The following PGGHG variants were observed in gnomAD, a reference collection of about 807,000 sequenced individuals.
The protein encoded by PGGHG is ATH1, acid trehalase-like 1.
Under a neutral mutation model 74.5 loss-of-function variants are expected in PGGHG, and 67 were observed. The ratio of observed to expected loss-of-function variants is 0.90; its 90% CI spans 0.74 to 1.10. PGGHG has a LOEUF of 1.10. PGGHG is among the 50% of genes least tolerant of loss of function. The probability of loss-of-function intolerance (pLI) is 0.00; values close to 1 mark genes in which losing one functional copy is unlikely to be tolerated. For synonymous variants in PGGHG, 496 were observed against 419.9 expected (o/e 1.18, Z -2.21); for missense variants, 1,034 against 981.5 (o/e 1.05, Z -0.72).
chr11:293,795 C>T (rs1845798087), intron 10 of PGGHG, 35 bp from the exon 11 acceptor site: 7 of 1,613,412 alleles, frequency 4.3e-6, no homozygotes, highest in African/African-American at 1.3e-5. Flanking sequence ...CGCAGTGGGC[C>T]TCACCCCTGT....
At chr11:291,940 C>A (rs374284345) in intron 4 of PGGHG, 36 bp from the exon 5 acceptor site, 8 of 1,567,268 alleles carry the variant, frequency 5.1e-6, no homozygotes, top group Non-Finnish European at 6.9e-6. Flanking sequence ...GCAGTGACGG[C>A]CTGTCCGGCG....
rs749884841 is a variant in PGGHG at position 294,289 on chromosome 11, T to A, written c.1831T>A (p.Phe611Ile). 6.2e-7 allele frequency: 1 copy of A among 1,610,710 alleles called. No individual in the cohort carries two copies. The highest frequency in any genetic ancestry group is 8.5e-7 in the Non-Finnish European group (1 of 1,178,572). Residue 611 changes from phenylalanine (F) to isoleucine (I), a missense_variant, in exon 13 of 14, where the codon TTT becomes ATT. Transcript: ENST00000409548. ...GFRVTRAGVT[F>I]DPVCLSGISR... ...CAGGGTCACCCGAGCGGGTGTGACC[T>A]TTGACCCTGTGTGTCTGTCGGGGAT... is the stretch of plus-strand genomic sequence containing the variant.
At chr11:290,310 G>A (rs1371509963) in intron 2 of PGGHG, 80 bp from the exon 3 acceptor site, 1 of 1,436,678 alleles carries the variant, frequency 7.0e-7, no homozygotes, top group East Asian at 2.5e-5. Flanking sequence ...TGTGGGGAGA[G>A]GCAGCGGTCG....
rs1475624295 is a variant in PGGHG, at chr11:294,358, C to T, written c.1900C>T (p.Leu634Phe). ...VSGIFYQGNK[L>F]NFSFSEDSVT... ...CGGCATCTTCTACCAGGGGAACAAG[C>T]TCAACTTCTCTTTTTCCGAGGACTC... The change falls in exon 13 of 14, where the codon CTC becomes TTC. Residue 634 changes from leucine (L) to phenylalanine (F), a missense_variant. Leu to Phe is a conservative substitution (Grantham distance 22). Coordinates refer to ENST00000409548, the MANE Select transcript of PGGHG (RefSeq NM_025092.5). The T allele has an allele frequency of 6.2e-7, 1 of 1,613,118 alleles. No individual in the cohort carries two copies. Among genetic ancestry groups the T allele is most frequent in the South Asian group, 1.1e-5 (1 of 91,068 alleles).
chr11:290,780 A>G lies in PGGHG; in HGVS notation c.573A>G (p.Glu191=). ...TPAPPDLTLG[E]GEEARTWDFL... is the part of the protein sequence containing the mutation. ...CACCCCCAGACCTGACCCTTGGGGA[A>G]GGTGAGGAGGCTAGGACGTGGGACT... The change falls in exon 4 of 14, where the codon GAA becomes GAG. Residue 191 remains glutamate (E), a synonymous_variant. Coordinates refer to ENST00000409548, the MANE Select transcript of PGGHG (RefSeq NM_025092.5). 6.2e-7 allele frequency: 1 copy of G among 1,612,638 alleles called. No individual in the cohort carries two copies. The highest frequency in any genetic ancestry group is 1.7e-5 in the Admixed American group (1 of 59,946).
Position 296,056 on chromosome 11 carries a change from C to T in PGGHG, c.*1307C>T, listed in dbSNP as rs1049079039. 5.3e-5 allele frequency: 8 copies of T among 152,336 alleles called. No homozygotes were observed. Among genetic ancestry groups the T allele is most frequent in the South Asian group, 4.1e-4 (2 of 4,834 alleles). 9.4% of individuals were successfully genotyped at this position (152,336 alleles called of 1,614,324 possible). ...GCATGTGCTGCAGCACACCTGCGGC[C>T]GAGACCAGCACTCAGAGGTCGGCTC... is the stretch of plus-strand genomic sequence containing the variant. On this transcript the variant is annotated 3_prime_UTR_variant, in exon 14 of 14. Coordinates refer to ENST00000409548, the MANE Select transcript of PGGHG (RefSeq NM_025092.5).
chr11:291,946 C>A, intron 4 of PGGHG, 30 bp from the exon 5 acceptor site: 2 of 1,580,656 alleles, frequency 1.3e-6, no homozygotes, highest in Admixed American at 1.8e-5. Context: ...ACGGCCTGTC[C>A]GGCGCTAGAA....
chr11:294,068 G>C (rs778489159), intron 11 of PGGHG, 31 bp from the exon 12 acceptor site: 8 of 1,587,124 alleles, frequency 5.0e-6, no homozygotes, highest in Non-Finnish European at 6.9e-6. Context: ...TGACCTGGGG[G>C]TCCTGGTGTC....
Position 293,089 on chromosome 11 carries a change from C to T in PGGHG, c.1271-74C>T, listed in dbSNP as rs750965016. The T allele has an allele frequency of 1.9e-6, 3 of 1,613,700 alleles. No homozygotes were observed. In the South Asian group the frequency reaches 3.3e-5, roughly 18 times the overall value. On this transcript the variant is annotated intron_variant, in intron 7 of 13. Transcript: ENST00000409548. ...TCAGACACCTCACGTGTGCCAGCCC[C>T]ACGCTGACCACCGGCGTGGAGGGAA... is the stretch of plus-strand genomic sequence containing the variant.
At chr11:291,389 G>A (rs1845715953) in intron 4 of PGGHG, 1 of 453,066 alleles carries the variant, frequency 2.2e-6, no homozygotes, top group Non-Finnish European at 3.9e-6. Flanking sequence ...CAGATCACCA[G>A]CGTTTGTAGA....
In PGGHG at chr11:290,082, C is replaced by A. The variant is rs977208813; in HGVS notation, c.259+7C>A. The A allele has an allele frequency of 6.6e-7, 1 of 1,519,330 alleles. No individual in the cohort carries two copies. The highest frequency in any genetic ancestry group is 2.0e-5 in the Admixed American group (1 of 50,016). The allele number at this position is 1,519,330 out of a possible 1,614,324, so 94.1% of individuals were successfully genotyped here. On this transcript the variant is annotated splice_region_variant and intron_variant, in intron 2 of 13. Transcript: ENST00000409548. ...GCCCTGGACACCAACACAGGTAGCG[C>A]CACCTGGCCTGCCTCACCCCTGCCC...
Position 292,411 on chromosome 11 carries a change from C to T in PGGHG, c.1027-135C>T, listed in dbSNP as rs1461576801. On this transcript the variant is annotated intron_variant, in intron 5 of 13. Transcript: ENST00000409548. ...TGGCCCCGTGAGGACGTGCAGTGGG[C>T]CTTCTAGCAGTAGCACCCGCCAGGG... is the stretch of plus-strand genomic sequence containing the variant. The T allele has an allele frequency of 1.1e-5, 13 of 1,174,046 alleles. No individual in the cohort carries two copies. In the South Asian group the frequency reaches 1.5e-4, roughly 13 times the overall value. The allele number at this position is 1,174,046 out of a possible 1,614,324, so 72.7% of individuals were successfully genotyped here.
In PGGHG at chr11:293,617, G is replaced by GTCGTGC; in HGVS notation, c.1507_1512dup (p.Val503_Leu504dup). 1 of 1,613,606 alleles carries GTCGTGC rather than the reference G, an allele frequency of 6.2e-7. No individual in the cohort carries two copies. The highest frequency in any genetic ancestry group is 8.5e-7 in the Non-Finnish European group (1 of 1,180,000). Reference sequence around the variant, plus strand: ...AGGAGAGGTGGTGAAGCAGGCAGACGTCGTGCTCCTGGGATACCCAGTCCC... The same window carrying GTCGTGC: ...AGGAGAGGTGGTGAAGCAGGCAGACGTCGTGCTCGTGCTCCTGGGATACCCAGTCCC... On this transcript the variant is annotated inframe_insertion, in exon 10 of 14. Coordinates refer to ENST00000409548, the MANE Select transcript of PGGHG (RefSeq NM_025092.5).
rs1845676236 is a variant in PGGHG at position 290,224 on chromosome 11, C to T, written c.259+149C>T. On this transcript the variant is annotated intron_variant, in intron 2 of 13. Transcript: ENST00000409548. The stretch of plus-strand genomic sequence containing the variant: ...GCCCCAGAGGCCCGCAGGGTCCCCC[C>T]TTCCCTCCACCTGGAGGCCTCCTGT... 1.4e-4 allele frequency: 188 copies of T among 1,372,062 alleles called. 2 individuals are homozygous for T. The South Asian group carries it at 2.6e-3, about 19-fold the overall frequency. 85.0% of individuals were successfully genotyped at this position (1,372,062 alleles called of 1,614,324 possible).
Position 293,583 on chromosome 11 carries a change from C to T in PGGHG, c.1481-11C>T, listed in dbSNP as rs1695615619. The T allele has an allele frequency of 6.2e-7, 1 of 1,613,428 alleles. No homozygotes were observed. Among genetic ancestry groups the T allele is most frequent in the Non-Finnish European group, 8.5e-7 (1 of 1,179,958 alleles). ...CTGGAACACCTTCCAGTCAGCGGCA[C>T]CTCCCTGTAGGAGAGGTGGTGAAGC... On this transcript the variant is annotated splice_polypyrimidine_tract_variant and intron_variant, in intron 9 of 13. Transcript: ENST00000409548.
chr11:295,876 C>T lies in PGGHG; in HGVS notation c.*1127C>T, dbSNP rs2242566. The T allele has an allele frequency of 0.36, 54,615 of 152,194 alleles. 9,957 individuals carry two copies. Among genetic ancestry groups the T allele is most frequent in the South Asian group, 0.48 (2,309 of 4,826 alleles). 9.4% of individuals were successfully genotyped at this position (152,194 alleles called of 1,614,324 possible). On this transcript the variant is annotated 3_prime_UTR_variant, in exon 14 of 14. Coordinates refer to ENST00000409548, the MANE Select transcript of PGGHG (RefSeq NM_025092.5). ...CCTCGGAGGACAGCAGAGGTTTGGA[C>T]GGAGACTCAGGGAGGGAGGGAAGGA...
In PGGHG at chr11:291,056, G is replaced by A. The variant is rs1845705281; in HGVS notation, c.849G>A (p.Gly283=). 1.9e-6 allele frequency: 3 copies of A among 1,609,944 alleles called. No individual in the cohort carries two copies. Among genetic ancestry groups the A allele is most frequent in the Middle Eastern group, 1.7e-4 (1 of 6,048 alleles). ...PGYICHGLSP[G]GLSNGSREEC... ...ACATCTGCCATGGCCTCAGTCCTGGGGGCCTCTCCAATGGGAGCCGTGAGG... is the reference window on the plus strand; with the variant it reads ...ACATCTGCCATGGCCTCAGTCCTGGAGGCCTCTCCAATGGGAGCCGTGAGG... The change falls in exon 4 of 14, where the codon GGG becomes GGA. Residue 283 remains glycine (G), a synonymous_variant. Transcript: ENST00000409548.
rs770634918 is a variant in PGGHG, at chr11:290,500, GC to G, written c.374del (p.Pro125ArgfsTer63). On this transcript the variant is annotated frameshift_variant, in exon 3 of 14. Coordinates refer to ENST00000409548, the MANE Select transcript of PGGHG (RefSeq NM_025092.5). LOFTEE classifies it high-confidence loss of function. ...TTTCCGAGTGTCCATCGCCCGCCTG[GC>G]CCCGGGGAGCGGGCCCATCACGCTG... ...LAFRVSIARL[A>X]PGSGPITLLL... The G allele has an allele frequency of 4.5e-5, 69 of 1,550,268 alleles. No individual in the cohort carries two copies. In the African/African-American group the frequency reaches 8.9e-4, roughly 20 times the overall value.
At chr11:290,632 G>A (rs1283884933) in intron 3 of PGGHG, 32 bp downstream of exon 3, 7 of 1,603,156 alleles carry the variant, frequency 4.4e-6, no homozygotes, top group Admixed American at 1.7e-5. Flanking sequence ...CAGCCAGGGA[G>A]TCCAGGGAGG....
Sources: allele counts gnomAD v4.1 joint callset, GRCh38; gene constraint gnomAD v4.1.1; transcripts MANE v1.5; gene names NCBI Gene and HGNC (gene_info 2026-07-23, HGNC 2026-07-21).